The following CXADR variants were observed in gnomAD, a reference collection of about 807,000 sequenced individuals.
CXADR encodes CXADR cell adhesion molecule, also known as coxsackievirus and adenovirus receptor.
Under a neutral mutation model 40.3 loss-of-function variants are expected in CXADR, and 20 were observed. The ratio of observed to expected loss-of-function variants is 0.50; its 90% CI spans 0.35 to 0.72. CXADR has a LOEUF of 0.72. Ranked by LOEUF, CXADR falls within the 30% of genes least tolerant of loss-of-function variation. The pLI, the probability that CXADR is intolerant of heterozygous loss-of-function variation, is 0.01. For synonymous variants in CXADR, 150 were observed against 161.3 expected, an observed-to-expected ratio of 0.93 and a Z score of 0.53; for missense variants, 332 against 449.1, an observed-to-expected ratio of 0.74 and a Z score of 2.36.
At chr21:17,523,296 A>G (rs2060554325) in intron 1 of CXADR, among the ~76,000 whole-genome samples, 1 of 152,214 alleles carries the variant, frequency 6.6e-6, no homozygotes, top group South Asian at 2.1e-4. Context: ...AAATGGGGAA[A>G]GTTATGCTAG....
At chr21:17,518,594 T>G (rs1268208750) in intron 1 of CXADR, 1 of 1,330,620 alleles carries the variant, frequency 7.5e-7, no homozygotes, top group Admixed American at 1.7e-5. Flanking sequence ...TCCTCATCAG[T>G]GTCTTCTGGT....
chr21:17,534,059 G>GATATATATATATATA (rs2060716186), intron 1 of CXADR, among the ~76,000 whole-genome samples: 2 of 51,630 alleles, frequency 3.9e-5, no homozygotes, highest in Non-Finnish European at 7.7e-5. Flanking sequence ...CATATATATA[G>GATATATATATATATA]CTATATATAT....
intron 2 of CXADR, among the ~76,000 whole-genome samples, chr21:17,547,511 A>T (rs1397128633): frequency 2.0e-5 from 3 of 152,210 alleles, no homozygotes; most frequent in Non-Finnish European, 4.4e-5. Context: ...GGAATAGCAG[A>T]GGCCTAGATG....
At chr21:17,560,209 C>T (rs1014567073) in intron 4 of CXADR, among the ~76,000 whole-genome samples, 2 of 152,162 alleles carry the variant, frequency 1.3e-5, no homozygotes, top group African/African-American at 2.4e-5. Context: ...GACCAGGCTC[C>T]ACCCCGCCAT....
chr21:17,519,711 T>C (rs1334322497), intron 1 of CXADR, among the ~76,000 whole-genome samples: 1 of 152,184 alleles, frequency 6.6e-6, no homozygotes, highest in Non-Finnish European at 1.5e-5. Flanking sequence ...CTTGTATCCA[T>C]CATGGTAATC....
chr21:17,515,242 G>A (rs181421808), intron 1 of CXADR, among the ~76,000 whole-genome samples: 1 of 152,054 alleles, frequency 6.6e-6, no homozygotes, highest in East Asian at 1.9e-4. Flanking sequence ...ACCAGCCTGG[G>A]CAACATGGCG....
At chr21:17,561,985 G>A (rs945103615) in intron 6 of CXADR, among the ~76,000 whole-genome samples, 6 of 152,186 alleles carry the variant, frequency 3.9e-5, no homozygotes, top group Non-Finnish European at 5.9e-5. Context: ...CAGGTCTAGG[G>A]TGGGGTCTGG....
At chr21:17,607,225 T>C in the CXADR span, among the ~76,000 whole-genome samples, 1 of 152,194 alleles carries the variant, frequency 6.6e-6, no homozygotes, top group Non-Finnish European at 1.5e-5. Flanking sequence ...TTGTACACTG[T>C]CTGACCTTTA....
intron 3 of CXADR, 36 bp downstream of exon 3, chr21:17,551,989 G>C: frequency 6.8e-7 from 1 of 1,475,278 alleles, no homozygotes; most frequent in Non-Finnish European, 9.5e-7. Context: ...GGGTTACTGA[G>C]TAAGAGAATG....
intron 7 of CXADR, among the ~76,000 whole-genome samples, chr21:17,588,195 T>C (rs1284812629): frequency 2.0e-5 from 3 of 152,214 alleles, no homozygotes; most frequent in Non-Finnish European, 4.4e-5. Context: ...TCTTTTGGCT[T>C]AGGATTGAGT....
chr21:17,617,195 A>G, the CXADR span, among the ~76,000 whole-genome samples: 27,190 of 152,160 alleles, frequency 0.18, 2,593 homozygotes, highest in Middle Eastern at 0.25. Context: ...AGGGTGATGT[A>G]TAAGTTATGA....
chr21:17,565,400 G>T (rs1007370443), intron 6 of CXADR, 28 bp from the exon 7 acceptor site: 3 of 1,607,038 alleles, frequency 1.9e-6, no homozygotes, highest in South Asian at 1.1e-5. Context: ...TTATTCTCTT[G>T]ACATGTATTG....
chr21:17,630,208 C>T, the CXADR span, among the ~76,000 whole-genome samples: 3 of 152,066 alleles, frequency 2.0e-5, no homozygotes, highest in Non-Finnish European at 4.4e-5. Context: ...TTTTTTACTT[C>T]CAAATTAGAA....
chr21:17,544,939 A>G (rs892581437), intron 1 of CXADR, among the ~76,000 whole-genome samples: 4 of 152,018 alleles, frequency 2.6e-5, no homozygotes, highest in Non-Finnish European at 1.5e-5. Flanking sequence ...GGACTAATGG[A>G]AAGAATCATG....
At chr21:17,627,976 G>A in the CXADR span, among the ~76,000 whole-genome samples, 1 of 152,154 alleles carries the variant, frequency 6.6e-6, no homozygotes, top group Admixed American at 6.5e-5. Context: ...TTTTCTAAAA[G>A]CAAGTAATTC....
At chr21:17,587,056 A>C (rs950884957) in intron 7 of CXADR, among the ~76,000 whole-genome samples, 6 of 152,200 alleles carry the variant, frequency 3.9e-5, no homozygotes, top group African/African-American at 9.7e-5. Flanking sequence ...TGTCCCTACA[A>C]AGGACATGAA....
intron 7 of CXADR, among the ~76,000 whole-genome samples, chr21:17,583,410 C>T (rs960067279): frequency 6.6e-6 from 1 of 152,040 alleles, no homozygotes; most frequent in Admixed American, 6.6e-5. Context: ...AAATAAAAAC[C>T]TTTAAATGTC....
rs977157600 is a variant in CXADR at position 17,538,032 on chromosome 21, C to G, written c.44-8995C>G. On this transcript the variant is annotated intron_variant, in intron 1 of 6. Transcript: ENST00000284878. Reference sequence around the variant, plus strand: ...TTTTTTTCTTTTTAAGATGGAGTCTCTCTCTGTTGCCCAGGCTGGAGTGCA... The same window carrying G: ...TTTTTTTCTTTTTAAGATGGAGTCTGTCTCTGTTGCCCAGGCTGGAGTGCA... 2.0e-5 allele frequency among the ~76,000 whole-genome samples: 3 copies of G among 151,544 alleles called. No homozygotes were observed. The East Asian group carries it at 5.8e-4, about 29-fold the overall frequency.
chr21:17,598,197 TATTA>T (rs917225311), downstream of CXADR, among the ~76,000 whole-genome samples: 6 of 152,096 alleles, frequency 3.9e-5, no homozygotes, highest in African/African-American at 1.2e-4. Flanking sequence ...TTGAGTAAAA[TATTA>T]ATTATAATAT....
Sources: allele counts gnomAD v4.1 joint callset (sites outside exome capture counted in the v4.1 genomes callset), GRCh38; gene constraint gnomAD v4.1.1; transcripts MANE v1.5; gene names NCBI Gene and HGNC (gene_info 2026-07-23, HGNC 2026-07-21).